AOPEP: variants seen among roughly 807,000 people sequenced by gnomAD.
AOPEP encodes the protein aminopeptidase O.
Under a neutral mutation model 98.1 loss-of-function variants are expected in AOPEP, and 77 were observed. That is an observed-to-expected ratio of 0.78 (90% CI 0.65 to 0.95). The LOEUF is 0.95. Ranked by LOEUF, AOPEP falls within the 40% of genes least tolerant of loss-of-function variation. The probability of loss-of-function intolerance (pLI) is 0.00; values close to 1 mark genes in which losing one functional copy is unlikely to be tolerated. For synonymous variants in AOPEP, 346 were observed against 365.3 expected, an observed-to-expected ratio of 0.95 and a Z score of 0.60; for missense variants, 1,024 against 1,024.7, an observed-to-expected ratio of 1.00 and a Z score of 0.01.
intron 5 of AOPEP, among the ~76,000 whole-genome samples, chr9:94,816,791 A>T (rs552967424): frequency 6.6e-6 from 1 of 152,162 alleles, no homozygotes; most frequent in Non-Finnish European, 1.5e-5. Flanking sequence ...AAAGGGTATC[A>T]TCTAGGATAT....
intron 1 of AOPEP, among the ~76,000 whole-genome samples, chr9:94,737,123 GTTTC>G (rs1235111339): frequency 4.0e-5 from 6 of 151,774 alleles, no homozygotes; most frequent in Non-Finnish European, 8.8e-5. Context: ...TTTTTTTAAT[GTTTC>G]TTTCTTCTTT....
chr9:94,795,510 T>C (rs1428554561), intron 4 of AOPEP, among the ~76,000 whole-genome samples: 1 of 152,230 alleles, frequency 6.6e-6, no homozygotes, highest in Non-Finnish European at 1.5e-5. Flanking sequence ...TCTTCTCTTT[T>C]TCATCTAAGG....
intron 5 of AOPEP, among the ~76,000 whole-genome samples, chr9:94,810,311 GT>G (rs377395781): frequency 1.3e-5 from 2 of 149,358 alleles, no homozygotes; most frequent in Non-Finnish European, 3.0e-5. Context: ...TTTAATCAGG[GT>G]TTTTTTGTTT....
chr9:95,005,718 T>C (rs2061961087), intron 13 of AOPEP, 102 bp downstream of exon 13: 16 of 912,236 alleles, frequency 1.8e-5, no homozygotes, highest in South Asian at 5.5e-5. Flanking sequence ...ATTTAAAAAG[T>C]TTTTGTTATA....
At position 94,955,086 on chromosome 9, in the gene AOPEP, G is replaced by A. The variant is rs1310977610; in HGVS notation, c.1662-91G>A. 2.5e-5 allele frequency: 17 copies of A among 691,010 alleles called. No individual in the cohort carries two copies. The East Asian group carries it at 4.0e-4, about 16-fold the overall frequency. 42.8% of individuals were successfully genotyped at this position (691,010 alleles called of 1,614,324 possible). Reference sequence around the variant, plus strand: ...TTGAATAGAATCAGGATGATATTGAGCAACTCTGAAAATAACAAATAAGAT... The same window carrying A: ...TTGAATAGAATCAGGATGATATTGAACAACTCTGAAAATAACAAATAAGAT... On this transcript the variant is annotated intron_variant, in intron 7 of 16. Transcript: ENST00000375315.
At chr9:95,108,033 A>G in the AOPEP span, among the ~76,000 whole-genome samples, 2 of 152,204 alleles carry the variant, frequency 1.3e-5, no homozygotes, top group Non-Finnish European at 2.9e-5. Flanking sequence ...CATAGCTCCA[A>G]ATGCCACATG....
At chr9:94,733,308 G>C (rs1039045554) in intron 1 of AOPEP, among the ~76,000 whole-genome samples, 1 of 151,874 alleles carries the variant, frequency 6.6e-6, no homozygotes, top group Non-Finnish European at 1.5e-5. Flanking sequence ...ACATTTTGCC[G>C]TGTTGCTCAG....
intron 14 of AOPEP, among the ~76,000 whole-genome samples, chr9:95,078,061 G>C (rs1243975544): frequency 6.6e-6 from 1 of 152,088 alleles, no homozygotes; most frequent in Non-Finnish European, 1.5e-5. Context: ...AGGGAGTGGG[G>C]GTGGGAGACT....
the AOPEP span, chr9:95,135,578 G>T: frequency 7.9e-7 from 1 of 1,259,334 alleles, no homozygotes; most frequent in Non-Finnish European, 1.1e-6. Context: ...AGTTCAAAAT[G>T]CAATCACTAA....
downstream of AOPEP, among the ~76,000 whole-genome samples, chr9:95,088,391 T>C (rs535088619): frequency 1.0e-3 from 155 of 152,258 alleles, no homozygotes; most frequent in African/African-American, 3.6e-3. Flanking sequence ...GTATTTTTAG[T>C]GGAGATGGGG....
chr9:95,088,879 G>A (rs1005103403), downstream of AOPEP, among the ~76,000 whole-genome samples: 1 of 152,198 alleles, frequency 6.6e-6, no homozygotes, highest in East Asian at 1.9e-4. Flanking sequence ...TAAATTTGGT[G>A]GACCTCATCA....
intron 5 of AOPEP, among the ~76,000 whole-genome samples, chr9:94,899,187 T>TTTC (rs2050036656): frequency 8.6e-6 from 1 of 116,448 alleles, no homozygotes; most frequent in East Asian, 2.6e-4. Context: ...TGCTTTTTTT[T>TTTC]TTTTTTTTTT....
intron 13 of AOPEP, among the ~76,000 whole-genome samples, chr9:95,014,426 C>G (rs182526281): frequency 6.6e-6 from 1 of 151,748 alleles, no homozygotes; most frequent in East Asian, 1.9e-4. Context: ...AAGCCTAGAT[C>G]GTGCCACTGC....
At chr9:95,114,564 G>A in the AOPEP span, 4 of 1,393,620 alleles carry the variant, frequency 2.9e-6, no homozygotes, top group Non-Finnish European at 4.1e-6. Context: ...CCTGCTCAAA[G>A]GGCAGATGAG....
rs2067256149 is a variant in AOPEP, at chr9:95,060,807, A to G, written c.2229A>G (p.Ala743=). Residue 743 remains alanine (A), a synonymous_variant, in exon 14 of 17, where the codon GCA becomes GCG. Coordinates refer to ENST00000375315, the MANE Select transcript of AOPEP (RefSeq NM_001193329.3). Reference sequence around the variant, plus strand: ...CATACCACCTCCAGGATCAGGATGCAGAGGTAACCAGGAACACTCTCGGAG... The same window carrying G: ...CATACCACCTCCAGGATCAGGATGCGGAGGTAACCAGGAACACTCTCGGAG... ...QRTYHLQDQD[A]EVRHRWCELI... 1 of 1,593,684 alleles carries G rather than the reference A, an allele frequency of 6.3e-7. No individual in the cohort carries two copies. Among genetic ancestry groups the G allele is most frequent in the Non-Finnish European group, 8.6e-7 (1 of 1,161,290 alleles).
Position 94,916,531 on chromosome 9 carries a change from C to T in AOPEP, c.1365-7455C>T, listed in dbSNP as rs555604630. Among the ~76,000 whole-genome samples, 196 of 152,002 alleles carry T rather than the reference C, an allele frequency of 1.3e-3. 3 individuals are homozygous for T. Among genetic ancestry groups the T allele is most frequent in the Middle Eastern group, 6.8e-3 (2 of 292 alleles). ...CATCCTGGCCAACATGGTGAAACTCCCGTCTCTACTAAAATACAAAAATTA... is the reference window on the plus strand; with the variant it reads ...CATCCTGGCCAACATGGTGAAACTCTCGTCTCTACTAAAATACAAAAATTA... On this transcript the variant is annotated intron_variant, in intron 5 of 16. Coordinates refer to ENST00000375315, the MANE Select transcript of AOPEP (RefSeq NM_001193329.3).
At chr9:95,068,801 A>G (rs2068178091) in intron 14 of AOPEP, among the ~76,000 whole-genome samples, 1 of 152,192 alleles carries the variant, frequency 6.6e-6, no homozygotes, top group African/African-American at 2.4e-5. Flanking sequence ...GAAGGGTATC[A>G]GAAGAAATAG....
At chr9:95,140,363 G>C in the AOPEP span, among the ~76,000 whole-genome samples, 1,314 of 152,220 alleles carry the variant, frequency 8.6e-3, 22 homozygotes, top group African/African-American at 0.03. Context: ...CAAATACTCA[G>C]TTTAGTGAGG....
At chr9:94,727,071 C>T (rs959750706) in intron 1 of AOPEP, among the ~76,000 whole-genome samples, 9 of 152,214 alleles carry the variant, frequency 5.9e-5, no homozygotes. Context: ...TGCCTCCAGG[C>T]CCTCGGTCAC....
Sources: allele counts gnomAD v4.1 joint callset (sites outside exome capture counted in the v4.1 genomes callset), GRCh38; gene constraint gnomAD v4.1.1; transcripts MANE v1.5; gene names NCBI Gene and HGNC (gene_info 2026-07-23, HGNC 2026-07-21).